PRR5L: variants seen among roughly 807,000 people sequenced by gnomAD.
PRR5L encodes the protein proline rich 5 like.
Under a neutral mutation model 36.4 loss-of-function variants are expected in PRR5L, and 21 were observed. That is an observed-to-expected ratio of 0.58 (90% CI 0.41 to 0.83). The LOEUF (loss-of-function observed/expected upper bound fraction) is 0.83, where lower values mean the gene tolerates loss of function less well. Among genes scored for constraint, PRR5L ranks in the 40% least tolerant of loss-of-function variants. The pLI is 0.00. For missense variants in PRR5L, 381 were observed against 473.3 expected (o/e 0.80, Z 1.81); for synonymous variants, 188 against 197.0 (o/e 0.95, Z 0.38).
At position 36,439,024 on chromosome 11, in the gene PRR5L, A is replaced by T. The variant is rs193296679; in HGVS notation, c.444+1548A>T. On this transcript the variant is annotated intron_variant, in intron 6 of 8. Transcript: ENST00000530639. The stretch of plus-strand genomic sequence containing the variant: ...ATATTTGGGACATATTTATACTGAA[A>T]AACTCTTCAAATTTAACTGGGCATC... Among the ~76,000 whole-genome samples, 416 of 152,332 alleles carry T rather than the reference A, an allele frequency of 2.7e-3. 1 individual carries two copies. The highest frequency in any genetic ancestry group is 9.5e-3 in the African/African-American group (396 of 41,558).
chr11:36,463,657 G>A lies in PRR5L; in HGVS notation c.*921G>A, dbSNP rs897063483. On this transcript the variant is annotated 3_prime_UTR_variant, in exon 9 of 9. Coordinates refer to ENST00000530639, the MANE Select transcript of PRR5L (RefSeq NM_001160167.2). ...ATGTGTATCGTTTAAAAAAAAAAAT[G>A]TTTGCAAATTTTGCACATAGGATCT... 2 of 112,668 alleles carry A rather than the reference G, an allele frequency of 1.8e-5. No individual in the cohort carries two copies. The highest frequency in any genetic ancestry group is 7.0e-5 in the African/African-American group (2 of 28,512). 7.0% of individuals were successfully genotyped at this position (112,668 alleles called of 1,614,324 possible).
intron 6 of PRR5L, among the ~76,000 whole-genome samples, chr11:36,444,297 G>A (rs1858783659): frequency 6.6e-6 from 1 of 152,192 alleles, no homozygotes; most frequent in Admixed American, 6.5e-5. Flanking sequence ...TAATCTCTGT[G>A]TGGGTTTAAA....
intron 4 of PRR5L, chr11:36,425,612 G>T (rs1398458334): frequency 6.6e-6 from 1 of 152,156 alleles, no homozygotes; most frequent in African/African-American, 2.4e-5. Context: ...CATTAGCACC[G>T]AATTTCCACT....
chr11:36,347,796 C>T (rs1856882241), intron 1 of PRR5L, among the ~76,000 whole-genome samples: 1 of 151,868 alleles, frequency 6.6e-6, no homozygotes, highest in Admixed American at 6.6e-5. Flanking sequence ...TAAAGTATTT[C>T]AGGAGGACCT....
chr11:36,331,217 T>A (rs74819198), intron 1 of PRR5L, among the ~76,000 whole-genome samples: 14,630 of 152,252 alleles, frequency 0.096, 1,288 homozygotes, highest in African/African-American at 0.24. Context: ...TTATTTGACA[T>A]GCTTCATAGG....
At chr11:36,429,665 C>T (rs150944876) in intron 4 of PRR5L, among the ~76,000 whole-genome samples, 9 of 152,264 alleles carry the variant, frequency 5.9e-5, no homozygotes, top group African/African-American at 1.7e-4. Context: ...TCAGTGTTGA[C>T]ACTAGATGTG....
chr11:36,376,933 AC>A (rs1857274381), intron 1 of PRR5L, among the ~76,000 whole-genome samples: 3 of 151,800 alleles, frequency 2.0e-5, no homozygotes, highest in Admixed American at 2.0e-4. Flanking sequence ...CTTACTCGAG[AC>A]CACCATGGTG....
intron 1 of PRR5L, among the ~76,000 whole-genome samples, chr11:36,341,228 TG>T (rs1856814211): frequency 6.6e-6 from 1 of 152,116 alleles, no homozygotes; most frequent in Non-Finnish European, 1.5e-5. Context: ...GAGATTAATT[TG>T]GGGGCAGGGT....
chr11:36,441,291 A>G (rs1858717705), intron 6 of PRR5L, among the ~76,000 whole-genome samples: 1 of 152,252 alleles, frequency 6.6e-6, no homozygotes, highest in Non-Finnish European at 1.5e-5. Flanking sequence ...CTTATAAGAT[A>G]CAATGGTGGC....
chr11:36,392,541 T>C (rs930243786), intron 1 of PRR5L, among the ~76,000 whole-genome samples: 7 of 152,312 alleles, frequency 4.6e-5, no homozygotes, highest in Non-Finnish European at 1.0e-4. Context: ...CTCATTGTAG[T>C]TTTGATTTGC....
chr11:36,444,942 G>C (rs533103015), intron 6 of PRR5L, among the ~76,000 whole-genome samples: 23 of 152,208 alleles, frequency 1.5e-4, no homozygotes, highest in Non-Finnish European at 2.6e-4. Context: ...CCATCCAACA[G>C]AGGTAGTACC....
intron 1 of PRR5L, among the ~76,000 whole-genome samples, chr11:36,312,749 GCA>G (rs1465708455): frequency 1.3e-5 from 2 of 152,268 alleles, no homozygotes; most frequent in African/African-American, 4.8e-5. Context: ...AGCGTGCACA[GCA>G]CAGTGTCTGG....
chr11:36,425,389 T>A (rs1196194303), intron 4 of PRR5L: 2 of 152,106 alleles, frequency 1.3e-5, no homozygotes, highest in African/African-American at 4.8e-5. Flanking sequence ...ATCTCTTGGA[T>A]TATATTTAAA....
intron 1 of PRR5L, among the ~76,000 whole-genome samples, chr11:36,355,156 G>T (rs1565412033): frequency 6.6e-6 from 1 of 152,164 alleles, no homozygotes; most frequent in Non-Finnish European, 1.5e-5. Flanking sequence ...TGCCTCAACA[G>T]GTTTACGAAT....
At chr11:36,428,256 C>G (rs1249715364) in intron 4 of PRR5L, among the ~76,000 whole-genome samples, 1 of 152,168 alleles carries the variant, frequency 6.6e-6, no homozygotes, top group Non-Finnish European at 1.5e-5. Context: ...CATGGGTGAG[C>G]TGGGGCTTTA....
chr11:36,370,143 T>G (rs1857183583), intron 1 of PRR5L, among the ~76,000 whole-genome samples: 1 of 152,138 alleles, frequency 6.6e-6, no homozygotes, highest in Non-Finnish European at 1.5e-5. Flanking sequence ...CCCCACCTGT[T>G]TCCTATGCTT....
At chr11:36,440,295 C>T (rs181182329) in intron 6 of PRR5L, among the ~76,000 whole-genome samples, 25 of 152,292 alleles carry the variant, frequency 1.6e-4, no homozygotes, top group African/African-American at 5.3e-4. Context: ...CCAGTTCTAA[C>T]ATAAATGGTT....
chr11:36,385,081 A>G (rs769342503), intron 1 of PRR5L, among the ~76,000 whole-genome samples: 5 of 152,146 alleles, frequency 3.3e-5, no homozygotes, highest in Non-Finnish European at 7.3e-5. Flanking sequence ...ATTTTCCCAC[A>G]CTTAAAACTC....
In PRR5L at chr11:36,380,802, T is replaced by C. The variant is rs1219196572; in HGVS notation, c.-125-20195T>C. 2.0e-5 allele frequency among the ~76,000 whole-genome samples: 3 copies of C among 152,126 alleles called. No individual in the cohort carries two copies. In the South Asian group the frequency reaches 6.2e-4, roughly 32 times the overall value. Reference sequence around the variant, plus strand: ...AATGTGTAGAGGACATTCTCTGCTTTCCCCCCCTTTTAAAAAATATTGCAT... The same window carrying C: ...AATGTGTAGAGGACATTCTCTGCTTCCCCCCCCTTTTAAAAAATATTGCAT... On this transcript the variant is annotated intron_variant, in intron 1 of 8. Coordinates refer to ENST00000530639, the MANE Select transcript of PRR5L (RefSeq NM_001160167.2).
Sources: allele counts gnomAD v4.1 joint callset (sites outside exome capture counted in the v4.1 genomes callset), GRCh38; gene constraint gnomAD v4.1.1; transcripts MANE v1.5; gene names NCBI Gene and HGNC (gene_info 2026-07-23, HGNC 2026-07-21).